Variants in RNF144A observed in about 807,000 individuals in gnomAD.
RNF144A encodes the protein E3 ubiquitin-protein ligase RNF144A.
RNF144A carries 11 observed loss-of-function variants against 38.7 expected under a neutral mutation model. That is an observed-to-expected ratio of 0.28 (90% CI 0.18 to 0.47). The LOEUF (loss-of-function observed/expected upper bound fraction) is 0.47. Among genes scored for constraint, RNF144A ranks in the 20% least tolerant of loss-of-function variants. The pLI, the probability that RNF144A is intolerant of heterozygous loss-of-function variation, is 0.99. For missense variants in RNF144A, 316 were observed against 377.2 expected (o/e 0.84, Z 1.34); for synonymous variants, 149 against 143.9 (o/e 1.04, Z -0.25).
In RNF144A at chr2:6,958,167, C is replaced by T. The variant is rs1667125991; in HGVS notation, c.-12+17020C>T. Among the ~76,000 whole-genome samples the T allele has an allele frequency of 6.6e-6, 1 of 152,236 alleles. No homozygotes were observed. The highest frequency in any genetic ancestry group is 1.5e-5 in the Non-Finnish European group (1 of 68,046). On this transcript the variant is annotated intron_variant, in intron 2 of 8. Coordinates refer to ENST00000320892, the MANE Select transcript of RNF144A (RefSeq NM_014746.6). This position sits in a 1 kb window ranked among gnomAD's most constrained non-coding sequence, Gnocchi z 4.5. ...CCATGGGGCACCGGGCGTGCTGTCT[C>T]TTCCTGGAAGGTGGAACTTGATCAC...
At chr2:7,030,734 G>C (rs892489474) in intron 8 of RNF144A, among the ~76,000 whole-genome samples, 5 of 152,068 alleles carry the variant, frequency 3.3e-5, no homozygotes, top group Admixed American at 1.3e-4. Flanking sequence ...GATGGATTTG[G>C]GATGATTCAG....
intron 6 of RNF144A, among the ~76,000 whole-genome samples, chr2:7,058,575 G>A (rs981682604): frequency 6.6e-6 from 1 of 152,062 alleles, no homozygotes; most frequent in Non-Finnish European, 1.5e-5. Context: ...TTCTCTAGGT[G>A]TTTCTAAAGG....
intron 2 of RNF144A, among the ~76,000 whole-genome samples, chr2:6,963,983 A>G (rs1421805694): frequency 1.3e-5 from 2 of 152,142 alleles, no homozygotes; most frequent in East Asian, 1.9e-4. Flanking sequence ...CTGGTAGGCA[A>G]AGCTGTAAAG....
At chr2:7,030,724 G>T (rs927813710) in intron 8 of RNF144A, among the ~76,000 whole-genome samples, 9 of 152,122 alleles carry the variant, frequency 5.9e-5, no homozygotes, top group African/African-American at 9.7e-5. Context: ...TGGGCAGGGG[G>T]ATGGATTTGG....
At chr2:7,038,272 G>A (rs1044973741) in intron 8 of RNF144A, among the ~76,000 whole-genome samples, 1 of 152,122 alleles carries the variant, frequency 6.6e-6, no homozygotes, top group Non-Finnish European at 1.5e-5. Context: ...GTAACAACCT[G>A]CTTGTCTCCA....
intron 3 of RNF144A, among the ~76,000 whole-genome samples, chr2:7,013,743 A>G (rs1470501236): frequency 6.6e-6 from 1 of 152,252 alleles, no homozygotes; most frequent in Non-Finnish European, 1.5e-5. Context: ...TGAAGACCAC[A>G]GAATCTTTTA....
intron 1 of RNF144A, among the ~76,000 whole-genome samples, chr2:6,928,401 G>A (rs1428105206): frequency 2.6e-5 from 4 of 152,132 alleles, no homozygotes; most frequent in Admixed American, 1.3e-4. Flanking sequence ...GGCCTTCAGC[G>A]GTCAGGGCAG....
At chr2:6,990,562 TACACACACAAACACACACAC>T (rs1179308269) in intron 2 of RNF144A, among the ~76,000 whole-genome samples, 4 of 34,938 alleles carry the variant, frequency 1.1e-4, no homozygotes, top group Admixed American at 7.7e-4. Flanking sequence ...GAGAGATTGC[TACACACACAAACACACACAC>T]ACACACACAC....
chr2:6,979,392 G>A (rs1220830847), intron 2 of RNF144A, among the ~76,000 whole-genome samples: 3 of 152,156 alleles, frequency 2.0e-5, no homozygotes, highest in Non-Finnish European at 4.4e-5. Flanking sequence ...GGGAAGTTGA[G>A]CACTGGATTT....
intron 2 of RNF144A, among the ~76,000 whole-genome samples, chr2:6,971,617 C>A (rs536389254): frequency 5.3e-5 from 8 of 152,274 alleles, no homozygotes; most frequent in Admixed American, 3.9e-4. Flanking sequence ...TTATTCTAGA[C>A]ACAGACAGCT....
chr2:7,015,673 A>C (rs999750446), intron 5 of RNF144A, among the ~76,000 whole-genome samples: 14 of 152,194 alleles, frequency 9.2e-5, no homozygotes, highest in African/African-American at 3.4e-4. Context: ...CTTTGTTTTC[A>C]TATCTATTCT....
chr2:6,990,342 A>T (rs1407549247), intron 2 of RNF144A, among the ~76,000 whole-genome samples: 1 of 147,130 alleles, frequency 6.8e-6, no homozygotes, highest in Admixed American at 7.0e-5. Flanking sequence ...AGCTCATTTA[A>T]CCTTAATTTA....
intron 3 of RNF144A, among the ~76,000 whole-genome samples, chr2:6,999,317 C>T (rs1051839625): frequency 2.6e-5 from 4 of 152,148 alleles, no homozygotes; most frequent in African/African-American, 7.2e-5. Context: ...GAGGAGGTGT[C>T]GGGGTGCCCT....
In RNF144A at chr2:7,020,698, G is replaced by A. The variant is rs1208228795; in HGVS notation, c.509+18G>A. The stretch of plus-strand genomic sequence containing the variant: ...GAGACCAGGTACCCTTTGTACACAA[G>A]CTGCCACCAAAGGCATGGCTGTGGG... On this transcript the variant is annotated intron_variant, in intron 6 of 8. Coordinates refer to ENST00000320892, the MANE Select transcript of RNF144A (RefSeq NM_014746.6). The A allele has an allele frequency of 5.0e-6, 8 of 1,594,406 alleles. No homozygotes were observed. The highest frequency in any genetic ancestry group is 6.8e-6 in the Non-Finnish European group (8 of 1,174,598).
At chr2:6,984,339 G>C (rs2103367822) in intron 2 of RNF144A, among the ~76,000 whole-genome samples, 1 of 151,236 alleles carries the variant, frequency 6.6e-6, no homozygotes, top group South Asian at 2.1e-4. Context: ...GTCTTGCTCT[G>C]CCATTCAGGC....
intron 2 of RNF144A, among the ~76,000 whole-genome samples, chr2:6,969,025 G>A (rs1297558701): frequency 6.6e-6 from 1 of 152,212 alleles, no homozygotes; most frequent in Non-Finnish European, 1.5e-5. Context: ...CAGGGCTATA[G>A]CCAATAGGTT....
At chr2:6,990,562 TACACACACAAAC>T (rs1157985771) in intron 2 of RNF144A, among the ~76,000 whole-genome samples, 392 of 34,946 alleles carry the variant, frequency 0.011, 4 homozygotes, top group African/African-American at 0.03. Flanking sequence ...GAGAGATTGC[TACACACACAAAC>T]ACACACACAC....
At chr2:6,991,336 A>C (rs1184251206) in intron 2 of RNF144A, among the ~76,000 whole-genome samples, 2 of 152,152 alleles carry the variant, frequency 1.3e-5, no homozygotes, top group African/African-American at 4.8e-5. Flanking sequence ...CCAACTTTCT[A>C]CTCAGCCACA....
At position 7,054,127 on chromosome 2, in the gene RNF144A, T is replaced by C. The variant is rs528273209; in HGVS notation, c.735-14089T>C. Among the ~76,000 whole-genome samples the C allele has an allele frequency of 3.3e-5, 5 of 152,196 alleles. No individual in the cohort carries two copies. In the South Asian group the frequency reaches 1.0e-3, roughly 32 times the overall value. ...AGGCAGGGGAGAGCCAGCTGCGCAGTTGCTTGTGGGAGTGGCCAGCTCAAG... is the reference window on the plus strand; with the variant it reads ...AGGCAGGGGAGAGCCAGCTGCGCAGCTGCTTGTGGGAGTGGCCAGCTCAAG... On this transcript the variant is annotated intron_variant, in intron 6 of 6. Transcript: ENST00000432850.
Sources: gnomAD v4.1 joint callset for allele counts (sites outside exome capture counted in the v4.1 genomes callset) on GRCh38, gnomAD v4.1.1 for gene constraint, Gnocchi (gnomAD v3.1) non-coding constraint, MANE v1.5 for transcripts, NCBI Gene and HGNC (gene_info 2026-07-23, HGNC 2026-07-21) for gene names.